Variants in SNTG2 observed in about 807,000 individuals in gnomAD.
SNTG2 encodes the protein gamma-2-syntrophin.
A neutral mutation model predicts 70.9 loss-of-function variants in SNTG2; 74 were observed. The ratio of observed to expected loss-of-function variants is 1.04; its 90% CI spans 0.86 to 1.27. The LOEUF (loss-of-function observed/expected upper bound fraction) is 1.27. Among genes scored for constraint, SNTG2 ranks in the 50% most tolerant of loss-of-function variants. SNTG2 has a pLI of 0.00. For missense variants in SNTG2, 717 were observed against 690.7 expected, an observed-to-expected ratio of 1.04 and a Z score of -0.43; for synonymous variants, 278 against 273.8, an observed-to-expected ratio of 1.02 and a Z score of -0.15.
At chr2:1,109,671 G>C (rs897719248) in intron 4 of SNTG2, among the ~76,000 whole-genome samples, 6 of 151,836 alleles carry the variant, frequency 4.0e-5, no homozygotes, top group African/African-American at 9.7e-5. Context: ...CATCTCATTA[G>C]GTACAAAGAA....
intron 8 of SNTG2, among the ~76,000 whole-genome samples, chr2:1,177,570 AAAAC>A (rs766348015): frequency 1.3e-4 from 20 of 152,258 alleles, no homozygotes; most frequent in Non-Finnish European, 2.5e-4. Flanking sequence ...TTTCTCAACA[AAAAC>A]AAGAGAAGCT....
rs1005848363 is a variant in SNTG2 at position 1,243,181 on chromosome 2, G to T, written c.888+3405G>T. ...TGGCGGTCTATTATTGCCATCTTGGGCCAACAGTAGCTCTTTATTCACTCC... is the reference window on the plus strand; with the variant it reads ...TGGCGGTCTATTATTGCCATCTTGGTCCAACAGTAGCTCTTTATTCACTCC... On this transcript the variant is annotated intron_variant, in intron 11 of 16. Coordinates refer to ENST00000308624, the MANE Select transcript of SNTG2 (RefSeq NM_018968.4). Among the ~76,000 whole-genome samples, 4 of 152,260 alleles carry T rather than the reference G, an allele frequency of 2.6e-5. No individual in the cohort carries two copies. The East Asian group carries it at 7.7e-4, about 29-fold the overall frequency.
intron 16 of SNTG2, among the ~76,000 whole-genome samples, chr2:1,364,962 T>C (rs1661400597): frequency 6.6e-6 from 1 of 152,148 alleles, no homozygotes. Flanking sequence ...ATGGTCATTA[T>C]GGCTCTTTTT....
chr2:1,320,661 T>A (rs960517156), intron 16 of SNTG2, among the ~76,000 whole-genome samples: 1 of 152,072 alleles, frequency 6.6e-6, no homozygotes, highest in Non-Finnish European at 1.5e-5. Flanking sequence ...AGTTTTTAAA[T>A]AAAATATTTT....
intron 7 of SNTG2, among the ~76,000 whole-genome samples, 196 bp from the exon 8 acceptor site, chr2:1,172,896 G>T (rs1671218719): frequency 6.6e-6 from 1 of 152,176 alleles, no homozygotes; most frequent in Non-Finnish European, 1.5e-5. Flanking sequence ...TTCAACCTGA[G>T]GTCAGATCTT....
At chr2:1,218,917 CTG>C (rs1674571552) in intron 9 of SNTG2, among the ~76,000 whole-genome samples, 1 of 152,140 alleles carries the variant, frequency 6.6e-6, no homozygotes, top group African/African-American at 2.4e-5. Context: ...AAAAATAAAA[CTG>C]TACGTTTAAA....
intron 1 of SNTG2, among the ~76,000 whole-genome samples, chr2:1,034,447 G>A (rs13432080): frequency 0.29 from 43,743 of 152,100 alleles, 7,405 homozygotes; most frequent in Middle Eastern, 0.42. Flanking sequence ...ATAATAGAAC[G>A]ATTTATATTT....
intron 1 of SNTG2, among the ~76,000 whole-genome samples, chr2:1,033,179 T>A (rs1048643856): frequency 6.6e-6 from 1 of 152,026 alleles, no homozygotes; most frequent in Non-Finnish European, 1.5e-5. Flanking sequence ...CACCTCAACA[T>A]GAGATTTGGA....
At position 1,259,463 on chromosome 2, in the gene SNTG2, G is replaced by C. The variant is rs138930557; in HGVS notation, c.1077+22G>C. The C allele has an allele frequency of 4.5e-3, 7,149 of 1,596,152 alleles. 25 individuals carry two copies. Among genetic ancestry groups the C allele is most frequent in the Admixed American group, 7.4e-3 (443 of 59,912 alleles). ...CAAGGTAGGTATCTTTTGCACTTCA[G>C]ATGCTTTCATACAAATAAGATGCCC... On this transcript the variant is annotated intron_variant, in intron 13 of 16. Coordinates refer to ENST00000308624, the MANE Select transcript of SNTG2 (RefSeq NM_018968.4).
chr2:1,138,301 A>G (rs927372787), intron 6 of SNTG2, among the ~76,000 whole-genome samples: 1 of 152,184 alleles, frequency 6.6e-6, no homozygotes, highest in Non-Finnish European at 1.5e-5. Context: ...ATCACATAAG[A>G]TGGTGGGGGT....
At position 989,972 on chromosome 2, in the gene SNTG2, T is replaced by C. The variant is rs183776342; in HGVS notation, c.72+38904T>C. 1.0e-3 allele frequency among the ~76,000 whole-genome samples: 158 copies of C among 152,370 alleles called. 2 individuals are homozygous for C. Among genetic ancestry groups the C allele is most frequent in the African/African-American group, 3.6e-3 (151 of 41,594 alleles). ...TGCATGGTCCAGGACAGGGGTGGCATCCAGTCACGGCTCCGCTCTGTGTCC... is the reference window on the plus strand; with the variant it reads ...TGCATGGTCCAGGACAGGGGTGGCACCCAGTCACGGCTCCGCTCTGTGTCC... On this transcript the variant is annotated intron_variant, in intron 1 of 16. Coordinates refer to ENST00000308624, the MANE Select transcript of SNTG2 (RefSeq NM_018968.4).
chr2:962,283 G>A (rs1185741324), intron 1 of SNTG2, among the ~76,000 whole-genome samples: 1 of 128,194 alleles, frequency 7.8e-6, no homozygotes, highest in African/African-American at 2.9e-5. Flanking sequence ...TGTTGCCCAG[G>A]CTGATCTTGA....
intron 4 of SNTG2, among the ~76,000 whole-genome samples, chr2:1,100,126 C>T (rs544859064): frequency 1.3e-5 from 2 of 151,644 alleles, no homozygotes; most frequent in South Asian, 4.2e-4. Context: ...ATGCAGGCCT[C>T]TGAATGAAAG....
At chr2:1,017,439 A>G (rs567279958) in intron 1 of SNTG2, among the ~76,000 whole-genome samples, 1 of 152,364 alleles carries the variant, frequency 6.6e-6, no homozygotes, top group South Asian at 2.1e-4. Flanking sequence ...ATGCAGACAC[A>G]TGCAATGTGC....
Position 1,021,208 on chromosome 2 carries a change from A to C in SNTG2, c.73-62310A>C, listed in dbSNP as rs534553162. 3.3e-5 allele frequency among the ~76,000 whole-genome samples: 5 copies of C among 152,262 alleles called. No individual in the cohort carries two copies. The East Asian group carries it at 7.7e-4, about 24-fold the overall frequency. ...GAGTATTATTACATATACATGGTGC[A>C]CTACAGTCAGTTACGGTAGCTACTA... On this transcript the variant is annotated intron_variant, in intron 1 of 16. Transcript: ENST00000308624.
chr2:1,029,248 A>G (rs943476452), intron 1 of SNTG2, among the ~76,000 whole-genome samples: 2 of 152,210 alleles, frequency 1.3e-5, no homozygotes, highest in Non-Finnish European at 2.9e-5. Context: ...TTGATTTACA[A>G]TTTTTAAATG....
At chr2:1,141,084 C>A (rs561811328) in intron 6 of SNTG2, among the ~76,000 whole-genome samples, 1 of 152,272 alleles carries the variant, frequency 6.6e-6, no homozygotes, top group African/African-American at 2.4e-5. Flanking sequence ...CTATTTTGAA[C>A]AGCAGGTCAG....
chr2:1,014,902 G>A (rs1307822772), intron 1 of SNTG2, among the ~76,000 whole-genome samples: 1 of 152,106 alleles, frequency 6.6e-6, no homozygotes, highest in Non-Finnish European at 1.5e-5. Flanking sequence ...AGGGGTGGGA[G>A]TTGAGGAGAT....
At chr2:1,137,205 C>T (rs1000425400) in intron 4 of SNTG2, among the ~76,000 whole-genome samples, 3 of 152,234 alleles carry the variant, frequency 2.0e-5, no homozygotes, top group African/African-American at 7.2e-5. Context: ...CATGCACACA[C>T]ACATCCATGG....
Sources: allele counts gnomAD v4.1 joint callset (sites outside exome capture counted in the v4.1 genomes callset), GRCh38; gene constraint gnomAD v4.1.1; transcripts MANE v1.5; gene names NCBI Gene and HGNC (gene_info 2026-07-23, HGNC 2026-07-21).